The following PRDM11 variants were observed in gnomAD, a reference collection of about 807,000 sequenced individuals.
PRDM11 encodes the protein PR domain-containing protein 11.
A neutral mutation model predicts 97.8 loss-of-function variants in PRDM11; 20 were observed. That is an observed-to-expected ratio of 0.20 (90% CI 0.14 to 0.30). The LOEUF is 0.30. PRDM11 is among the 10% of genes least tolerant of loss of function. PRDM11 has a pLI of 1.00. For synonymous variants in PRDM11, 599 were observed against 637.7 expected (o/e 0.94, Z 0.91); for missense variants, 1,139 against 1,555.2 (o/e 0.73, Z 4.50).
At chr11:45,152,096 C>G (rs1334673553) in intron 1 of PRDM11, among the ~76,000 whole-genome samples, 1 of 152,114 alleles carries the variant, frequency 6.6e-6, no homozygotes, top group Admixed American at 6.5e-5. Context: ...GAGACAGGGT[C>G]TTACTCTGTC....
At chr11:45,213,373 T>C (rs1397722045) in intron 5 of PRDM11, 1 of 449,444 alleles carries the variant, frequency 2.2e-6, no homozygotes, top group East Asian at 7.0e-5. Context: ...AGCATCCGAA[T>C]GGAGTCCCAC....
rs907481708 is a variant in PRDM11, at chr11:45,227,218, G to A, written c.2593G>A (p.Ala865Thr). 6.5e-6 allele frequency: 10 copies of A among 1,533,970 alleles called. No homozygotes were observed. Among genetic ancestry groups the A allele is most frequent in the East Asian group, 2.4e-5 (1 of 40,914 alleles). The change falls in exon 8 of 8, where the codon GCA (alanine) becomes ACA (threonine). Residue 865 changes from alanine (A) to threonine (T), a missense_variant. Transcript: ENST00000683152. The surrounding 1 kb of genome is among the most constrained non-coding windows in gnomAD (Gnocchi z 8.0). Reference sequence around the variant, plus strand: ...CCAGCGGGCAGACGCCTCGGCCATCGCACTGGCCCTGCTGCAGTTCCTCAT... The same window carrying A: ...CCAGCGGGCAGACGCCTCGGCCATCACACTGGCCCTGCTGCAGTTCCTCAT... Reference protein sequence around the residue: ...QTQRADASAIALALLQFLMDY... With the variant: ...QTQRADASAITLALLQFLMDY...
chr11:45,186,231 G>T (rs114825024), intron 4 of PRDM11, among the ~76,000 whole-genome samples: 2,199 of 152,206 alleles, frequency 0.014, 50 homozygotes, highest in African/African-American at 0.05. Flanking sequence ...TTATGTTTGT[G>T]GGGGGACATC....
chr11:45,205,082 A>T (rs1004340783), intron 5 of PRDM11, among the ~76,000 whole-genome samples: 20 of 152,062 alleles, frequency 1.3e-4, no homozygotes, highest in African/African-American at 4.3e-4. Flanking sequence ...GGAGGAGGAG[A>T]CTGTCCCCCA....
chr11:45,225,893 C>G (rs937216020), intron 7 of PRDM11, 102 bp from the exon 8 acceptor site: 2 of 1,369,564 alleles, frequency 1.5e-6, no homozygotes, highest in African/African-American at 2.9e-5. Flanking sequence ...ACTTCTGTTT[C>G]CCATGGTGTG....
intron 4 of PRDM11, among the ~76,000 whole-genome samples, chr11:45,187,882 C>T (rs746584604): frequency 7.3e-5 from 11 of 151,710 alleles, no homozygotes; most frequent in South Asian, 6.2e-4. Flanking sequence ...GAAAAGCAGG[C>T]GTGAAGAACG....
At chr11:45,203,373 A>G (rs915233844) in intron 4 of PRDM11, among the ~76,000 whole-genome samples, 1 of 152,174 alleles carries the variant, frequency 6.6e-6, no homozygotes. Flanking sequence ...ACCTGAAAAA[A>G]AAACTAATTA....
At chr11:45,194,887 CG>C (rs1326633303) in intron 4 of PRDM11, among the ~76,000 whole-genome samples, 2 of 151,920 alleles carry the variant, frequency 1.3e-5, no homozygotes, top group Admixed American at 1.3e-4. Flanking sequence ...CGTGAGCCAC[CG>C]CGCCCGGCCA....
intron 1 of PRDM11, among the ~76,000 whole-genome samples, chr11:45,163,974 C>T (rs921797956): frequency 1.3e-4 from 20 of 152,270 alleles, no homozygotes; most frequent in African/African-American, 4.6e-4. Flanking sequence ...AGCCAGCAGC[C>T]AGCATGCAGG....
chr11:45,120,425 T>C (rs1322676403), intron 1 of PRDM11, among the ~76,000 whole-genome samples: 1 of 151,996 alleles, frequency 6.6e-6, no homozygotes, highest in African/African-American at 2.4e-5. Flanking sequence ...AGGCTCATAA[T>C]AAACTGCTGA....
chr11:45,223,562 T>C (rs887935616), intron 6 of PRDM11, among the ~76,000 whole-genome samples: 11 of 152,148 alleles, frequency 7.2e-5, no homozygotes, highest in Admixed American at 2.6e-4. Context: ...GCGCCATAGG[T>C]CTCCTTGTCT....
intron 1 of PRDM11, among the ~76,000 whole-genome samples, chr11:45,151,739 T>C (rs4755953): frequency 0.85 from 129,766 of 152,218 alleles, 55,842 homozygotes; most frequent in African/African-American, 0.91. Context: ...GGCCTTTAGG[T>C]TGGCCTTTGG....
chr11:45,114,961 G>A (rs993899870), intron 1 of PRDM11, among the ~76,000 whole-genome samples: 1 of 152,076 alleles, frequency 6.6e-6, no homozygotes, highest in African/African-American at 2.4e-5. Flanking sequence ...AGTTCTTTAG[G>A]CTGAAGGGAG....
intron 1 of PRDM11, among the ~76,000 whole-genome samples, chr11:45,140,713 C>T (rs1477503864): frequency 6.6e-6 from 1 of 151,982 alleles, no homozygotes; most frequent in Non-Finnish European, 1.5e-5. Context: ...GCATGAAGGT[C>T]TCTCAGGTTT....
intron 4 of PRDM11, among the ~76,000 whole-genome samples, chr11:45,198,112 T>G (rs1007730824): frequency 6.6e-6 from 1 of 152,214 alleles, no homozygotes; most frequent in Non-Finnish European, 1.5e-5. Flanking sequence ...TCATGGTTCT[T>G]GAGCTTTTTT....
chr11:45,161,402 C>T (rs1231830577), intron 1 of PRDM11, among the ~76,000 whole-genome samples: 1 of 152,180 alleles, frequency 6.6e-6, no homozygotes, highest in East Asian at 1.9e-4. Context: ...AGCGGGCAAT[C>T]GGATTTCATC....
intron 1 of PRDM11, among the ~76,000 whole-genome samples, chr11:45,108,308 C>T (rs1487910470): frequency 2.0e-5 from 3 of 152,176 alleles, no homozygotes; most frequent in Non-Finnish European, 4.4e-5. Flanking sequence ...GTGGGATCCC[C>T]GTGTCTCCCC....
At chr11:45,107,919 T>G (rs1341103411) in intron 1 of PRDM11, among the ~76,000 whole-genome samples, 2 of 151,122 alleles carry the variant, frequency 1.3e-5, no homozygotes, top group Non-Finnish European at 2.9e-5. Context: ...AACCTCCAAC[T>G]CCAGGGTACA....
At chr11:45,182,690 A>G (rs1421395090) in intron 3 of PRDM11, among the ~76,000 whole-genome samples, 171 bp from the exon 4 acceptor site, 1 of 152,202 alleles carries the variant, frequency 6.6e-6, no homozygotes, top group Non-Finnish European at 1.5e-5. Flanking sequence ...TGACGTAGGC[A>G]GGCCTGTTCT....
Sources: allele counts gnomAD v4.1 joint callset (sites outside exome capture counted in the v4.1 genomes callset), GRCh38; gene constraint gnomAD v4.1.1; non-coding constraint Gnocchi (gnomAD v3.1); transcripts MANE v1.5; gene names NCBI Gene and HGNC (gene_info 2026-07-23, HGNC 2026-07-21).